EPS15: variants seen among roughly 807,000 people sequenced by gnomAD.
The protein encoded by EPS15 is epidermal growth factor receptor pathway substrate 15, also known as epidermal growth factor receptor substrate 15.
EPS15 carries 72 observed loss-of-function variants against 113.8 expected under a neutral mutation model. That is an observed-to-expected ratio of 0.63 (90% CI 0.52 to 0.77). EPS15 has a LOEUF of 0.77. Ranked by LOEUF, EPS15 falls within the 30% of genes least tolerant of loss-of-function variation. The pLI is 0.00. For missense variants in EPS15, 1,048 were observed against 1,045.8 expected (o/e 1.00, Z -0.03); for synonymous variants, 344 against 363.4 (o/e 0.95, Z 0.61).
chr1:51,471,849 G>A (rs1174667928), intron 3 of EPS15, 112 bp from the exon 4 acceptor site: 6 of 815,368 alleles, frequency 7.4e-6, no homozygotes, highest in Non-Finnish European at 1.2e-5. Flanking sequence ...TCAGATCTAA[G>A]AATCATAGAA....
At chr1:51,482,842 A>C (rs1273834288) in intron 1 of EPS15, among the ~76,000 whole-genome samples, 2 of 152,142 alleles carry the variant, frequency 1.3e-5, no homozygotes, top group East Asian at 1.9e-4. Context: ...GGCTTGAAAA[A>C]AAGTTTGTAA....
At chr1:51,435,800 A>G (rs1652103849) in intron 12 of EPS15, among the ~76,000 whole-genome samples, 1 of 152,238 alleles carries the variant, frequency 6.6e-6, no homozygotes, top group Non-Finnish European at 1.5e-5. Context: ...TAGAAATACT[A>G]CAATAAACGA....
chr1:51,452,052 T>A (rs186978147), intron 8 of EPS15, among the ~76,000 whole-genome samples: 117 of 151,910 alleles, frequency 7.7e-4, no homozygotes, highest in Middle Eastern at 3.4e-3. Context: ...CAGCTAATTT[T>A]TTTTTTTTTA....
intron 21 of EPS15, chr1:51,373,348 GGATAGAGGGACT>G (rs1310684201): frequency 4.6e-5 from 7 of 152,392 alleles, no homozygotes; most frequent in Admixed American, 4.6e-4. Context: ...ACTCTTGAAT[GGATAGAGGGACT>G]GATCTCAAAC....
At chr1:51,442,901 T>A (rs1652706810) in intron 11 of EPS15, among the ~76,000 whole-genome samples, 1 of 151,260 alleles carries the variant, frequency 6.6e-6, no homozygotes, top group Admixed American at 6.6e-5. Flanking sequence ...TAGTCCAAAC[T>A]AGAAAAAACA....
intron 1 of EPS15, among the ~76,000 whole-genome samples, chr1:51,497,234 T>C (rs1166161214): frequency 6.6e-6 from 1 of 152,230 alleles, no homozygotes; most frequent in African/African-American, 2.4e-5. Context: ...AGAGCAATGA[T>C]GACTGCCATC....
At chr1:51,452,786 T>C (rs1383631029) in intron 8 of EPS15, among the ~76,000 whole-genome samples, 1 of 152,234 alleles carries the variant, frequency 6.6e-6, no homozygotes, top group Non-Finnish European at 1.5e-5. Context: ...ACGCTGTCCT[T>C]TACAAGCGAT....
chr1:51,407,821 C>A (rs1017066149), intron 15 of EPS15, among the ~76,000 whole-genome samples: 2 of 152,122 alleles, frequency 1.3e-5, no homozygotes, highest in Admixed American at 1.3e-4. Context: ...TATTAATCCT[C>A]CAATTTTGAA....
Position 51,355,849 on chromosome 1 carries a change from C to T in EPS15, c.*851G>A. On this transcript the variant is annotated 3_prime_UTR_variant, in exon 25 of 25. Transcript: ENST00000371733. Reference sequence around the variant, plus strand: ...CAGGGCCACGGCAAAGGCAGAATGGCTGCCATGTTAAGACTTTTGCTTGCC... The same window carrying T: ...CAGGGCCACGGCAAAGGCAGAATGGTTGCCATGTTAAGACTTTTGCTTGCC... 5.0e-6 allele frequency: 1 copy of T among 199,782 alleles called. No homozygotes were observed. 12.4% of individuals were successfully genotyped at this position (199,782 alleles called of 1,614,324 possible).
chr1:51,375,810 AAAAAC>A (rs1349609648), intron 21 of EPS15, among the ~76,000 whole-genome samples: 2 of 152,252 alleles, frequency 1.3e-5, no homozygotes, highest in South Asian at 2.1e-4. Flanking sequence ...CGTTGTAACT[AAAAAC>A]AAAACAAAAC....
intron 2 of EPS15, among the ~76,000 whole-genome samples, chr1:51,473,276 T>C (rs1222167932): frequency 1.3e-5 from 2 of 152,206 alleles, no homozygotes; most frequent in African/African-American, 4.8e-5. Flanking sequence ...TCCAATTAAA[T>C]GGCACTAGGA....
rs1441459010 is a variant in EPS15 at position 51,462,940 on chromosome 1, G to A, written c.501+733C>T. Among the ~76,000 whole-genome samples the A allele has an allele frequency of 3.5e-5, 5 of 141,794 alleles. No homozygotes were observed. The South Asian group carries it at 6.6e-4, about 19-fold the overall frequency. The allele number at this position is 141,794 out of a possible 152,430, so 93.0% of individuals were successfully genotyped here. A position where few individuals can be genotyped will look rare whatever the true frequency, so the allele number is the denominator to read the frequency against. On this transcript the variant is annotated intron_variant, in intron 7 of 24. Coordinates refer to ENST00000371733, the MANE Select transcript of EPS15 (RefSeq NM_001981.3). ...CGCCCAGGCTGGAGTGTAGTGGTGC[G>A]ATCTCGGCTCACTGCAACCACTGCC...
Position 51,472,915 on chromosome 1 carries a change from A to T in EPS15, c.109T>A (p.Ser37Thr). 1 of 1,613,876 alleles carries T rather than the reference A, an allele frequency of 6.2e-7. No homozygotes were observed. Among genetic ancestry groups the T allele is most frequent in the Non-Finnish European group, 8.5e-7 (1 of 1,179,800 alleles). ...DTGNTGRVLASDAAAFLKKSG... is the reference protein window; with the variant it reads ...DTGNTGRVLATDAAAFLKKSG... ...TTTTTCAGGAAAGCAGCAGCATCAG[A>T]AGCCAACACCCTTCCAGTATTGCCT... is the stretch of plus-strand genomic sequence containing the variant. Residue 37 changes from serine (S) to threonine (T), a missense_variant, in exon 3 of 25, where the codon TCT (serine) becomes ACT (threonine). By Grantham distance (58) the Ser-to-Thr change is moderately conservative. Coordinates refer to ENST00000371733, the MANE Select transcript of EPS15 (RefSeq NM_001981.3).
chr1:51,432,842 G>A (rs1030818400), intron 12 of EPS15, among the ~76,000 whole-genome samples: 2 of 152,094 alleles, frequency 1.3e-5, no homozygotes. Flanking sequence ...AATGCACACC[G>A]CAACCTAGAG....
chr1:51,422,715 G>A (rs191532557), intron 12 of EPS15, among the ~76,000 whole-genome samples: 4 of 152,290 alleles, frequency 2.6e-5, no homozygotes, highest in Admixed American at 6.5e-5. Context: ...GAAATCATGC[G>A]TGCACACGCA....
chr1:51,426,833 C>A (rs1430004873), intron 12 of EPS15, among the ~76,000 whole-genome samples: 8 of 140,550 alleles, frequency 5.7e-5, no homozygotes, highest in African/African-American at 2.0e-4. Context: ...CTCTCTCTCT[C>A]TCTCTATATA....
intron 1 of EPS15, among the ~76,000 whole-genome samples, chr1:51,485,946 C>T (rs930686425): frequency 1.1e-4 from 16 of 151,646 alleles, no homozygotes; most frequent in East Asian, 3.9e-4. Flanking sequence ...TACAGGTGCC[C>T]GCCACCACAT....
At chr1:51,372,825 C>T (rs1646691597) in intron 21 of EPS15, 1 of 501,990 alleles carries the variant, frequency 2.0e-6, no homozygotes, top group African/African-American at 2.0e-5. Context: ...TCTTTACCAG[C>T]TGATCACAAA....
At chr1:51,369,067 T>G (rs1402180079) in intron 21 of EPS15, among the ~76,000 whole-genome samples, 1 of 152,226 alleles carries the variant, frequency 6.6e-6, no homozygotes, top group Non-Finnish European at 1.5e-5. Context: ...TCACAACATG[T>G]GTGCAATAGC....
Sources: gnomAD v4.1 joint callset for allele counts (sites outside exome capture counted in the v4.1 genomes callset) on GRCh38, gnomAD v4.1.1 for gene constraint, MANE v1.5 for transcripts, NCBI Gene and HGNC (gene_info 2026-07-23, HGNC 2026-07-21) for gene names.